NCOA2: variants seen among roughly 807,000 people sequenced by gnomAD.
NCOA2 encodes class E basic helix-loop-helix protein 75.
A neutral mutation model predicts 145.1 loss-of-function variants in NCOA2; 21 were observed. The observed-to-expected ratio is 0.14, with a 90% CI of 0.10 to 0.21. NCOA2 has a LOEUF of 0.21. NCOA2 is among the 10% of genes least tolerant of loss of function. NCOA2 has a pLI of 1.00. For synonymous variants in NCOA2, 619 were observed against 637.5 expected, an observed-to-expected ratio of 0.97 and a Z score of 0.44; for missense variants, 1,472 against 1,837.6, an observed-to-expected ratio of 0.80 and a Z score of 3.64.
At chr8:70,427,516 TATATC>T in the NCOA2 span, among the ~76,000 whole-genome samples, 2 of 152,228 alleles carry the variant, frequency 1.3e-5, no homozygotes, top group Non-Finnish European at 2.9e-5. Flanking sequence ...GAAATAGTGT[TATATC>T]ATTTAAATAT....
At chr8:70,121,631 C>T in intron 21 of NCOA2, among the ~76,000 whole-genome samples, 1 of 152,308 alleles carries the variant, frequency 6.6e-6, no homozygotes, top group African/African-American at 2.4e-5. Flanking sequence ...TATCTGCATG[C>T]TGTACAGAAA....
At chr8:70,181,358 T>C (rs1427245838) in intron 4 of NCOA2, among the ~76,000 whole-genome samples, 1 of 152,220 alleles carries the variant, frequency 6.6e-6, no homozygotes, top group Non-Finnish European at 1.5e-5. Context: ...GGGGATCATC[T>C]GAAGAGGTTG....
intron 4 of NCOA2, among the ~76,000 whole-genome samples, chr8:70,204,113 T>C (rs1436398206): frequency 2.0e-5 from 3 of 152,152 alleles, no homozygotes; most frequent in Admixed American, 6.5e-5. Flanking sequence ...GTTCAAGCGA[T>C]TCTTCTGCCT....
intron 1 of NCOA2, among the ~76,000 whole-genome samples, chr8:70,385,453 G>C (rs1812579184): frequency 6.6e-6 from 1 of 152,098 alleles, no homozygotes; most frequent in Admixed American, 6.5e-5. Context: ...TTTTGAAACA[G>C]AGTCTCCCTC....
In NCOA2 at chr8:70,166,617, T is replaced by C; in HGVS notation, c.679A>G (p.Met227Val). 18 of 1,613,984 alleles carry C rather than the reference T, an allele frequency of 1.1e-5. No individual in the cohort carries two copies. Among genetic ancestry groups the C allele is most frequent in the Non-Finnish European group, 1.5e-5 (18 of 1,179,864 alleles). ...NQEAHQKYET[M>V]QCFAVSQPKS... ...GGTTGAGAGACAGCGAAGCACTGCA[T>C]AGTTTCATATTTCTGATGAGCTTCC... The change falls in exon 7 of 23, where the codon ATG becomes GTG. Residue 227 changes from methionine to valine, a missense_variant. Physicochemically the swap from Met to Val is conservative, Grantham distance 21. This residue lies in a region of NCOA2 where 284 missense variants were observed against 467.8 expected (regional missense o/e 0.61). Transcript: ENST00000452400.
At chr8:70,245,815 T>C (rs1237898280) in intron 2 of NCOA2, among the ~76,000 whole-genome samples, 1 of 152,120 alleles carries the variant, frequency 6.6e-6, no homozygotes, top group Non-Finnish European at 1.5e-5. Context: ...TAAAAGCAAA[T>C]ATATACTCTC....
At chr8:70,400,476 T>C (rs973959486) in intron 1 of NCOA2, among the ~76,000 whole-genome samples, 1 of 151,960 alleles carries the variant, frequency 6.6e-6, no homozygotes, top group Non-Finnish European at 1.5e-5. Context: ...TTGCAAAGAA[T>C]TAAGTAAAAT....
intron 2 of NCOA2, among the ~76,000 whole-genome samples, chr8:70,257,332 C>T (rs1823714509): frequency 1.3e-5 from 2 of 152,210 alleles, no homozygotes; most frequent in South Asian, 4.1e-4. Flanking sequence ...AATTGCCATA[C>T]ATTTATTCAG....
intron 4 of NCOA2, among the ~76,000 whole-genome samples, chr8:70,212,076 T>C (rs960257443): frequency 3.0e-4 from 3 of 10,164 alleles, no homozygotes; most frequent in Non-Finnish European, 1.6e-3. Flanking sequence ...CATATATATA[T>C]ATATATATAT....
chr8:70,218,020 TA>T (rs1819792201), intron 2 of NCOA2, among the ~76,000 whole-genome samples: 1 of 150,756 alleles, frequency 6.6e-6, no homozygotes, highest in Non-Finnish European at 1.5e-5. Context: ...ACAGAGAACT[TA>T]AGGAAGATGA....
At chr8:70,169,798 T>C (rs762127483) in intron 6 of NCOA2, among the ~76,000 whole-genome samples, 7 of 151,948 alleles carry the variant, frequency 4.6e-5, no homozygotes, top group African/African-American at 1.7e-4. Flanking sequence ...TTAATGAAAA[T>C]AGTTGCCATA....
chr8:70,110,009 C>T lies in NCOA2; in HGVS notation c.*3623G>A, dbSNP rs929735153. ...ACAAAGTGATGTTCAGAGTCAACTCCATTTTGAAAATAAATCACAACCTGA... is the reference window on the plus strand; with the variant it reads ...ACAAAGTGATGTTCAGAGTCAACTCTATTTTGAAAATAAATCACAACCTGA... On this transcript the variant is annotated 3_prime_UTR_variant, in exon 23 of 23. Transcript: ENST00000452400. The T allele has an allele frequency of 7.2e-5, 14 of 193,880 alleles. No homozygotes were observed. Among genetic ancestry groups the T allele is most frequent in the Non-Finnish European group, 2.1e-5 (2 of 93,082 alleles). The allele number at this position is 193,880 out of a possible 1,614,324, so 12.0% of individuals were successfully genotyped here. A position where few individuals can be genotyped will look rare whatever the true frequency, so the allele number is the denominator to read the frequency against.
At chr8:70,361,498 G>A (rs919605666) in intron 1 of NCOA2, among the ~76,000 whole-genome samples, 2 of 151,498 alleles carry the variant, frequency 1.3e-5, no homozygotes, top group Admixed American at 6.6e-5. Flanking sequence ...AAAGAAAGAA[G>A]AAAAACATGA....
At position 70,144,627 on chromosome 8, in the gene NCOA2, C is replaced by A; in HGVS notation, c.2812+15G>T. On this transcript the variant is annotated intron_variant, in intron 13 of 22. Transcript: ENST00000452400. ...ATAACCCACCAATAAAGTAACAGTG[C>A]ATTTGACCCCTTACCTGTGCTACTG... 1 of 1,597,160 alleles carries A rather than the reference C, an allele frequency of 6.3e-7. No homozygotes were observed. The highest frequency in any genetic ancestry group is 1.7e-5 in the Admixed American group (1 of 59,982).
At chr8:70,138,387 C>T in intron 14 of NCOA2, 55 bp from the exon 15 acceptor site, 2 of 1,496,604 alleles carry the variant, frequency 1.3e-6, no homozygotes, top group Non-Finnish European at 1.8e-6. Flanking sequence ...GCATTTATTT[C>T]TGCTATGTAA....
At chr8:70,260,670 C>T (rs1038605508) in intron 2 of NCOA2, among the ~76,000 whole-genome samples, 2 of 152,180 alleles carry the variant, frequency 1.3e-5, no homozygotes, top group South Asian at 2.1e-4. Context: ...TTTAAAATTA[C>T]TGAATAGTAC....
intron 4 of NCOA2, among the ~76,000 whole-genome samples, chr8:70,176,782 T>C (rs10504469): frequency 0.89 from 136,004 of 152,128 alleles, 61,240 homozygotes; most frequent in African/African-American, 0.95. Context: ...AGGGCCATCT[T>C]GCTACAGTAG....
At chr8:70,328,162 A>G (rs966941342) in intron 1 of NCOA2, among the ~76,000 whole-genome samples, 4 of 152,354 alleles carry the variant, frequency 2.6e-5, no homozygotes, top group African/African-American at 9.6e-5. Context: ...AAGACCTGTA[A>G]ATGGCACTGA....
At chr8:70,340,451 C>T (rs550650083) in intron 1 of NCOA2, among the ~76,000 whole-genome samples, 1 of 152,126 alleles carries the variant, frequency 6.6e-6, no homozygotes, top group African/African-American at 2.4e-5. Context: ...ACAGCAAATG[C>T]TAGCGAGGTT....
Sources: allele counts gnomAD v4.1 joint callset (sites outside exome capture counted in the v4.1 genomes callset), GRCh38; gene constraint gnomAD v4.1.1; regional missense constraint gnomAD v4.1.1; transcripts MANE v1.5; gene names NCBI Gene and HGNC (gene_info 2026-07-23, HGNC 2026-07-21).